The following CERS6 variants were observed in gnomAD, a reference collection of about 807,000 sequenced individuals.
The protein encoded by CERS6 is ceramide synthase 6.
Under a neutral mutation model 56.8 loss-of-function variants are expected in CERS6, and 26 were observed. That is an observed-to-expected ratio of 0.46 (90% CI 0.34 to 0.63). The LOEUF is 0.63. Among genes scored for constraint, CERS6 ranks in the 30% least tolerant of loss-of-function variants. The pLI, the probability that CERS6 is intolerant of heterozygous loss-of-function variation, is 0.01. For missense variants in CERS6, 415 were observed against 467.5 expected (o/e 0.89, Z 1.04); for synonymous variants, 164 against 173.3 (o/e 0.95, Z 0.42).
intron 6 of CERS6, among the ~76,000 whole-genome samples, chr2:168,713,504 T>A (rs1687146231): frequency 6.6e-6 from 1 of 152,142 alleles, no homozygotes; most frequent in Non-Finnish European, 1.5e-5. Context: ...ACTATATTTC[T>A]AAGCAACAGA....
chr2:168,543,664 T>C (rs1349150877), intron 1 of CERS6, among the ~76,000 whole-genome samples: 2 of 152,232 alleles, frequency 1.3e-5, no homozygotes, highest in African/African-American at 4.8e-5. Flanking sequence ...AAGAATTACA[T>C]GCTCTTGTTT....
intron 1 of CERS6, among the ~76,000 whole-genome samples, chr2:168,528,749 A>T (rs1250462543): frequency 6.6e-6 from 1 of 152,240 alleles, no homozygotes; most frequent in East Asian, 1.9e-4. Context: ...CAGCCAAATG[A>T]GAGAAGCTGT....
chr2:168,493,189 T>A (rs543579352), intron 1 of CERS6, among the ~76,000 whole-genome samples: 1 of 152,202 alleles, frequency 6.6e-6, no homozygotes, highest in African/African-American at 2.4e-5. Context: ...CTTATTGTAC[T>A]TTTAAAATGA....
At chr2:168,681,094 G>A (rs1476045700) in intron 4 of CERS6, among the ~76,000 whole-genome samples, 1 of 152,190 alleles carries the variant, frequency 6.6e-6, no homozygotes. Context: ...TGAATGAGAA[G>A]CGTGCAGTAA....
chr2:168,536,218 G>A (rs140365609), intron 1 of CERS6, among the ~76,000 whole-genome samples: 1,638 of 152,190 alleles, frequency 0.011, 21 homozygotes, highest in Middle Eastern at 0.044. Flanking sequence ...TGCTTATATC[G>A]TTGATATCAT....
chr2:168,637,556 T>A (rs1373112375), intron 4 of CERS6, among the ~76,000 whole-genome samples: 1 of 152,164 alleles, frequency 6.6e-6, no homozygotes, highest in African/African-American at 2.4e-5. Context: ...TTACAACTTG[T>A]GATAATGTGG....
intron 1 of CERS6, among the ~76,000 whole-genome samples, chr2:168,482,214 T>A (rs1174415573): frequency 4.6e-5 from 7 of 152,240 alleles, no homozygotes; most frequent in Non-Finnish European, 1.0e-4. Context: ...TTTTCTTGAG[T>A]TTATCTTGAT....
intron 1 of CERS6, among the ~76,000 whole-genome samples, chr2:168,523,688 T>C (rs1695022989): frequency 1.3e-5 from 2 of 151,996 alleles, no homozygotes; most frequent in Non-Finnish European, 2.9e-5. Flanking sequence ...AACACTATTA[T>C]AGGAAGATTT....
intron 1 of CERS6, among the ~76,000 whole-genome samples, chr2:168,541,364 T>C (rs1275881551): frequency 6.6e-6 from 1 of 152,228 alleles, no homozygotes; most frequent in Non-Finnish European, 1.5e-5. Flanking sequence ...TTTCTTCTAA[T>C]ATTGTTCCCC....
At chr2:168,470,677 C>A (rs534019707) in intron 1 of CERS6, among the ~76,000 whole-genome samples, 1 of 152,100 alleles carries the variant, frequency 6.6e-6, no homozygotes, top group Non-Finnish European at 1.5e-5. Flanking sequence ...TAAATGGCTG[C>A]TTGCAGAATT....
intron 5 of CERS6, among the ~76,000 whole-genome samples, 170 bp from the exon 6 acceptor site, chr2:168,694,789 G>A (rs1200384248): frequency 6.6e-6 from 1 of 152,142 alleles, no homozygotes; most frequent in African/African-American, 2.4e-5. Flanking sequence ...TCAAGCTGTG[G>A]ATTAAAGTTA....
Position 168,774,356 on chromosome 2 carries a change from C to T in CERS6, c.*4694C>T, listed in dbSNP as rs1313159254. 6.6e-6 allele frequency: 1 copy of T among 152,186 alleles called. No homozygotes were observed. The highest frequency in any genetic ancestry group is 2.4e-5 in the African/African-American group (1 of 41,434). The allele number at this position is 152,186 out of a possible 1,614,324, so 9.4% of individuals were successfully genotyped here. A position where few individuals can be genotyped will look rare whatever the true frequency, so the allele number is the denominator to read the frequency against. On this transcript the variant is annotated 3_prime_UTR_variant, in exon 10 of 10. Coordinates refer to ENST00000305747, the MANE Select transcript of CERS6 (RefSeq NM_203463.3). ...TTTTTAGCTATTGATTTCCCAATAG[C>T]TTGTGGATCAGTTGTACACCCACAC...
At chr2:168,699,073 A>G (rs950262235) in intron 6 of CERS6, among the ~76,000 whole-genome samples, 4 of 152,124 alleles carry the variant, frequency 2.6e-5, no homozygotes, top group Non-Finnish European at 2.9e-5. Flanking sequence ...GCCATCTCTC[A>G]TTAGGGAGCT....
At chr2:168,674,652 C>T (rs1313374797) in intron 4 of CERS6, among the ~76,000 whole-genome samples, 1 of 152,196 alleles carries the variant, frequency 6.6e-6, no homozygotes, top group Non-Finnish European at 1.5e-5. Flanking sequence ...AGCAAAGAAA[C>T]TTAGCGGCAC....
intron 1 of CERS6, among the ~76,000 whole-genome samples, chr2:168,478,629 A>G (rs1368970227): frequency 1.3e-5 from 2 of 152,120 alleles, no homozygotes; most frequent in African/African-American, 4.8e-5. Flanking sequence ...TCTGGGCATC[A>G]CCAGGTGATT....
intron 1 of CERS6, among the ~76,000 whole-genome samples, chr2:168,534,474 G>A (rs1436216661): frequency 2.0e-5 from 3 of 151,306 alleles, no homozygotes; most frequent in Non-Finnish European, 2.9e-5. Context: ...TCAATGGTCA[G>A]GTCCATTTTC....
intron 1 of CERS6, among the ~76,000 whole-genome samples, chr2:168,512,910 C>G (rs775451311): frequency 1.3e-5 from 2 of 152,132 alleles, no homozygotes; most frequent in Non-Finnish European, 2.9e-5. Context: ...TCATGATCCT[C>G]CCACCTCGGC....
intron 3 of CERS6, among the ~76,000 whole-genome samples, chr2:168,601,025 T>G (rs1349175264): frequency 1.3e-5 from 2 of 152,204 alleles, no homozygotes; most frequent in Non-Finnish European, 2.9e-5. Flanking sequence ...CAATGCAGAA[T>G]GATTACCATA....
At chr2:168,709,982 G>T (rs933563285) in intron 6 of CERS6, among the ~76,000 whole-genome samples, 2 of 152,112 alleles carry the variant, frequency 1.3e-5, no homozygotes, top group Admixed American at 6.6e-5. Context: ...TGTAAAAGGT[G>T]ACATCCATTA....
Sources: allele counts gnomAD v4.1 joint callset (sites outside exome capture counted in the v4.1 genomes callset), GRCh38; gene constraint gnomAD v4.1.1; transcripts MANE v1.5; gene names NCBI Gene and HGNC (gene_info 2026-07-23, HGNC 2026-07-21).